The following SLC41A2 variants were observed in gnomAD, a reference collection of about 807,000 sequenced individuals.
The protein encoded by SLC41A2 is SLC41A1-like 1.
A neutral mutation model predicts 58.3 loss-of-function variants in SLC41A2; 32 were observed. That is an observed-to-expected ratio of 0.55 (90% CI 0.41 to 0.74). The LOEUF (loss-of-function observed/expected upper bound fraction) is 0.74, where lower values mean the gene tolerates loss of function less well. Among genes scored for constraint, SLC41A2 ranks in the 30% least tolerant of loss-of-function variants. The probability of loss-of-function intolerance (pLI) is 0.00; values close to 1 mark genes in which losing one functional copy is unlikely to be tolerated. For synonymous variants in SLC41A2, 190 were observed against 235.0 expected (o/e 0.81, Z 1.75); for missense variants, 514 against 680.6 (o/e 0.76, Z 2.72).
chr12:104,842,958 T>TC (rs35323392), intron 10 of SLC41A2, among the ~76,000 whole-genome samples: 1 of 152,026 alleles, frequency 6.6e-6, no homozygotes, highest in African/African-American at 2.4e-5. Context: ...TCTGAATATT[T>TC]CCCCTGGGAT....
chr12:104,814,301 C>T (rs535107529), intron 10 of SLC41A2, among the ~76,000 whole-genome samples: 1 of 152,166 alleles, frequency 6.6e-6, no homozygotes, highest in East Asian at 1.9e-4. Context: ...GGGAGGATCC[C>T]TTGAGTCCAG....
chr12:104,898,636 T>A (rs993500821), intron 3 of SLC41A2, among the ~76,000 whole-genome samples: 6 of 152,118 alleles, frequency 3.9e-5, no homozygotes, highest in African/African-American at 1.4e-4. Context: ...AATTTTTAAT[T>A]TTTACTTTGT....
rs924098176 is a variant in SLC41A2, at chr12:104,907,043, C to T, written c.663+2612G>A. ...ATCCAAATTTATGCAAATTCCATCA[C>T]AGCAGAGACCTTGCCTGCCTTGTTA... is the stretch of plus-strand genomic sequence containing the variant. On this transcript the variant is annotated intron_variant, in intron 3 of 10. Transcript: ENST00000258538. 4.9e-5 allele frequency among the ~76,000 whole-genome samples: 7 copies of T among 141,684 alleles called. No homozygotes were observed. The East Asian group carries it at 1.2e-3, about 24-fold the overall frequency. 93.0% of individuals were successfully genotyped at this position (141,684 alleles called of 152,430 possible).
At chr12:104,877,139 A>T (rs4964115) in intron 6 of SLC41A2, among the ~76,000 whole-genome samples, 147,312 of 152,312 alleles carry the variant, frequency 0.97, 71,272 homozygotes, top group East Asian at 1. Context: ...GTGTTTTCAA[A>T]ATAGTTCAGG....
chr12:104,852,979 A>G (rs2042858194), intron 8 of SLC41A2, among the ~76,000 whole-genome samples: 2 of 150,706 alleles, frequency 1.3e-5, no homozygotes, highest in African/African-American at 2.5e-5. Flanking sequence ...GCATCTAAAG[A>G]TAGTCTCACA....
intron 4 of SLC41A2, among the ~76,000 whole-genome samples, chr12:104,890,889 C>A (rs61938786): frequency 3.9e-5 from 6 of 152,160 alleles, no homozygotes; most frequent in African/African-American, 1.4e-4. Context: ...AAGAGCACAA[C>A]CCTGAGCAAG....
intron 8 of SLC41A2, among the ~76,000 whole-genome samples, chr12:104,849,861 T>G (rs905598355): frequency 5.9e-5 from 9 of 152,092 alleles, no homozygotes; most frequent in Non-Finnish European, 1.2e-4. Context: ...TAAATAAAGT[T>G]GTTGATATGC....
intron 2 of SLC41A2, among the ~76,000 whole-genome samples, chr12:104,921,986 T>G (rs551822498): frequency 6.6e-6 from 1 of 152,206 alleles, no homozygotes; most frequent in Non-Finnish European, 1.5e-5. Context: ...AGATTTTTTT[T>G]TAAGCCTTAT....
At chr12:104,812,957 T>C (rs2041238292) in intron 10 of SLC41A2, among the ~76,000 whole-genome samples, 1 of 151,976 alleles carries the variant, frequency 6.6e-6, no homozygotes, top group Admixed American at 6.6e-5. Flanking sequence ...AGGAGGTGGA[T>C]CACCTGAGGT....
At chr12:104,854,543 A>G (rs2042951606) in intron 8 of SLC41A2, among the ~76,000 whole-genome samples, 1 of 150,066 alleles carries the variant, frequency 6.7e-6, no homozygotes, top group Non-Finnish European at 1.5e-5. Flanking sequence ...AGCCTGGGCG[A>G]AAGAGCCAGA....
chr12:104,864,282 G>T (rs1445658810), intron 7 of SLC41A2, among the ~76,000 whole-genome samples: 20 of 152,048 alleles, frequency 1.3e-4, no homozygotes, highest in Middle Eastern at 6.3e-3. Context: ...TATACAAAGG[G>T]GTAGAGGGGC....
chr12:104,876,505 T>C (rs916658304), intron 6 of SLC41A2, among the ~76,000 whole-genome samples: 5 of 152,224 alleles, frequency 3.3e-5, no homozygotes, highest in Admixed American at 1.3e-4. Context: ...TTTGGATTTC[T>C]TCTTTGACCT....
At chr12:104,933,936 G>A (rs1222813997) in intron 1 of SLC41A2, among the ~76,000 whole-genome samples, 1 of 151,966 alleles carries the variant, frequency 6.6e-6, no homozygotes, top group African/African-American at 2.4e-5. Flanking sequence ...AGGGTGGGAG[G>A]AGGGTAAAGG....
chr12:104,810,347 G>A (rs938843056), intron 10 of SLC41A2, among the ~76,000 whole-genome samples: 2 of 152,136 alleles, frequency 1.3e-5, no homozygotes, highest in Non-Finnish European at 2.9e-5. Context: ...TTAAAAGAAT[G>A]AGGGTAGCTA....
At chr12:104,923,764 A>C (rs2046713418) in intron 2 of SLC41A2, among the ~76,000 whole-genome samples, 1 of 152,332 alleles carries the variant, frequency 6.6e-6, no homozygotes, top group East Asian at 1.9e-4. Context: ...ACCATGAAGA[A>C]ATAGAAAACC....
chr12:104,805,359 T>C, intron 10 of SLC41A2, 22 bp from the exon 11 acceptor site: 2 of 1,599,270 alleles, frequency 1.3e-6, no homozygotes, highest in African/African-American at 1.3e-5. Flanking sequence ...CAACAGAGAT[T>C]ACTCCGGCTG....
Position 104,804,104 on chromosome 12 carries a change from C to A in SLC41A2, c.*1048G>T, listed in dbSNP as rs1256983362. On this transcript the variant is annotated 3_prime_UTR_variant, in exon 11 of 11. Coordinates refer to ENST00000258538, the MANE Select transcript of SLC41A2 (RefSeq NM_001352171.3). ...GTAGCAGTGAGCCGAGATCACACCA[C>A]TGCATTCCAGCCTGGGCGACAGAGC... 7.8e-6 allele frequency: 1 copy of A among 128,184 alleles called. No homozygotes were observed. The highest frequency in any genetic ancestry group is 1.6e-5 in the Non-Finnish European group (1 of 64,516). The allele number at this position is 128,184 out of a possible 1,614,324, so 7.9% of individuals were successfully genotyped here.
intron 2 of SLC41A2, among the ~76,000 whole-genome samples, chr12:104,916,847 G>C (rs1189827082): frequency 1.3e-5 from 2 of 152,066 alleles, no homozygotes; most frequent in East Asian, 1.9e-4. Flanking sequence ...AGACTTAAAT[G>C]TTAGACCTAA....
intron 10 of SLC41A2, among the ~76,000 whole-genome samples, chr12:104,811,839 G>A (rs1054691967): frequency 6.6e-6 from 1 of 152,236 alleles, no homozygotes. Context: ...TTTGGACTTG[G>A]AAGTATTAGA....
Sources: allele counts gnomAD v4.1 joint callset (sites outside exome capture counted in the v4.1 genomes callset), GRCh38; gene constraint gnomAD v4.1.1; transcripts MANE v1.5; gene names NCBI Gene and HGNC (gene_info 2026-07-23, HGNC 2026-07-21).